Variants in DIP2B observed in about 807,000 individuals in gnomAD.
DIP2B encodes the protein DIP2 acetate--CoA ligase B (putative).
A neutral mutation model predicts 198.0 loss-of-function variants in DIP2B; 76 were observed. That is an observed-to-expected ratio of 0.38 (90% CI 0.32 to 0.46). The LOEUF (loss-of-function observed/expected upper bound fraction) is 0.46. DIP2B is among the 20% of genes least tolerant of loss of function. The pLI is 0.99. For missense variants in DIP2B, 1,559 were observed against 1,978.4 expected, an observed-to-expected ratio of 0.79 and a Z score of 4.02; for synonymous variants, 701 against 739.1, an observed-to-expected ratio of 0.95 and a Z score of 0.84.
chr12:50,567,189 G>A, intron 1 of DIP2B, among the ~76,000 whole-genome samples: 1 of 152,108 alleles, frequency 6.6e-6, no homozygotes. Flanking sequence ...ATAGGAAGTT[G>A]CAAAGATATG....
chr12:50,733,685 C>T (rs1046499914), intron 32 of DIP2B, among the ~76,000 whole-genome samples: 9 of 152,086 alleles, frequency 5.9e-5, no homozygotes, highest in African/African-American at 2.2e-4. Flanking sequence ...GCAACCTGGG[C>T]AACAGATTGA....
chr12:50,677,494 A>G (rs1938967412), intron 7 of DIP2B, among the ~76,000 whole-genome samples: 1 of 152,064 alleles, frequency 6.6e-6, no homozygotes, highest in South Asian at 2.1e-4. Flanking sequence ...GGGCGCCTAT[A>G]ATCCCAGCTA....
intron 1 of DIP2B, among the ~76,000 whole-genome samples, chr12:50,591,749 C>T (rs141351659): frequency 4.6e-5 from 7 of 150,976 alleles, no homozygotes; most frequent in African/African-American, 7.3e-5. Context: ...CTTGAGCCAC[C>T]GTGCCCAGCC....
intron 22 of DIP2B, among the ~76,000 whole-genome samples, chr12:50,711,914 G>T (rs1442011926): frequency 6.6e-6 from 1 of 152,160 alleles, no homozygotes; most frequent in Non-Finnish European, 1.5e-5. Flanking sequence ...CATGCTTCTA[G>T]TCCCAACAAT....
chr12:50,660,200 A>G lies in DIP2B; in HGVS notation c.308A>G (p.His103Arg). 6.2e-7 allele frequency: 1 copy of G among 1,606,206 alleles called. No individual in the cohort carries two copies. Residue 103 changes from histidine (H) to arginine (R), a missense_variant, in exon 4 of 38, where the codon CAC becomes CGC. Coordinates refer to ENST00000301180, the MANE Select transcript of DIP2B (RefSeq NM_173602.3). ...CAAATGTTTGCTTTTTCAGATATCC[A>G]CACAGAAGCAGTTCAGGCTGCACTG... The part of the protein sequence containing the change: ...ARDERYRSDI[H>R]TEAVQAALAK...
intron 12 of DIP2B, 98 bp downstream of exon 12, chr12:50,686,780 A>G: frequency 9.2e-7 from 1 of 1,087,468 alleles, no homozygotes; most frequent in Non-Finnish European, 1.3e-6. Context: ...CGTTAATGTT[A>G]GAAGATCCTC....
rs781643591 is a variant in DIP2B at position 50,728,588 on chromosome 12, A to G, written c.3551A>G (p.Lys1184Arg). Residue 1184 changes from lysine (K) to arginine (R), a missense_variant, in exon 30 of 38, where the codon AAG (lysine) becomes AGG (arginine). Transcript: ENST00000301180. Reference sequence around the variant, plus strand: ...GTGAACGCTCTGTGTCGAGCCATCAAGCTCCAGTGTGAGTTGTACTCTTCT... The same window carrying G: ...GTGAACGCTCTGTGTCGAGCCATCAGGCTCCAGTGTGAGTTGTACTCTTCT... ...SAVNALCRAI[K>R]LQCELYSSRQ... 1.2e-6 allele frequency: 2 copies of G among 1,614,142 alleles called. No homozygotes were observed. The highest frequency in any genetic ancestry group is 1.7e-6 in the Non-Finnish European group (2 of 1,180,012).
At chr12:50,648,523 C>A (rs1593685301) in intron 3 of DIP2B, among the ~76,000 whole-genome samples, 2 of 152,148 alleles carry the variant, frequency 1.3e-5, no homozygotes, top group East Asian at 3.9e-4. Flanking sequence ...GCCACCACGC[C>A]CGGCTAATTT....
Position 50,657,093 on chromosome 12 carries a change from TAA to T in DIP2B, c.302-3095_302-3094del, listed in dbSNP as rs1453048252. On this transcript the variant is annotated intron_variant, in intron 3 of 37. Coordinates refer to ENST00000301180, the MANE Select transcript of DIP2B (RefSeq NM_173602.3). The stretch of plus-strand genomic sequence containing the variant: ...TCCATTAAAAATAAAAAATATTTTT[TAA>T]AAAAATGGCAGGTGTGGTGGCCCAC... 2.0e-5 allele frequency: 3 copies of T among 151,870 alleles called. No individual in the cohort carries two copies. In the South Asian group the frequency reaches 6.2e-4, roughly 32 times the overall value. The allele number at this position is 151,870 out of a possible 1,614,324, so 9.4% of individuals were successfully genotyped here.
Position 50,693,088 on chromosome 12 carries a change from A to G in DIP2B, c.1719+75A>G. ...GGCCAGCATGTTGTATAACTGGAGC[A>G]TCTCTCAGTGCTTGTTTGAAATTTA... is the stretch of plus-strand genomic sequence containing the variant. On this transcript the variant is annotated intron_variant, in intron 14 of 37. Transcript: ENST00000301180. 16 of 1,377,562 alleles carry G rather than the reference A, an allele frequency of 1.2e-5. 1 individual carries two copies. The highest frequency in any genetic ancestry group is 1.6e-5 in the Non-Finnish European group (16 of 996,628). The allele number at this position is 1,377,562 out of a possible 1,614,324, so 85.3% of individuals were successfully genotyped here. A position where few individuals can be genotyped will look rare whatever the true frequency, so the allele number is the denominator to read the frequency against.
At chr12:50,548,517 A>AT (rs1250704938) in intron 1 of DIP2B, among the ~76,000 whole-genome samples, 1 of 151,916 alleles carries the variant, frequency 6.6e-6, no homozygotes, top group Non-Finnish European at 1.5e-5. Context: ...TTATTTATTT[A>AT]TTTTTTAATT....
intron 4 of DIP2B, among the ~76,000 whole-genome samples, chr12:50,669,181 T>G (rs926601135): frequency 1.3e-5 from 2 of 152,212 alleles, no homozygotes; most frequent in African/African-American, 4.8e-5. Context: ...GTTTTATTCT[T>G]TTGAAATTAT....
intron 1 of DIP2B, among the ~76,000 whole-genome samples, chr12:50,528,329 T>G (rs576533720): frequency 6.6e-6 from 1 of 151,396 alleles, no homozygotes; most frequent in East Asian, 1.9e-4. Context: ...ATGTGAGCAC[T>G]GAATCAGTTA....
intron 18 of DIP2B, 58 bp downstream of exon 18, chr12:50,698,525 G>A: frequency 6.4e-7 from 1 of 1,570,304 alleles, no homozygotes; most frequent in East Asian, 2.3e-5. Flanking sequence ...AGAGATAATA[G>A]AGCCTGATAA....
chr12:50,732,655 G>A, intron 32 of DIP2B, 119 bp downstream of exon 32: 1 of 1,263,166 alleles, frequency 7.9e-7, no homozygotes, highest in Non-Finnish European at 1.1e-6. Context: ...ACTTGCTTTG[G>A]AACTTCGGGC....
intron 4 of DIP2B, among the ~76,000 whole-genome samples, chr12:50,660,586 G>T (rs538439959): frequency 4.6e-5 from 7 of 150,944 alleles, no homozygotes; most frequent in Admixed American, 2.0e-4. Flanking sequence ...GTAATCCCCA[G>T]ACTTATGTAG....
intron 22 of DIP2B, among the ~76,000 whole-genome samples, chr12:50,709,431 G>T (rs1342144161): frequency 6.6e-6 from 1 of 151,736 alleles, no homozygotes; most frequent in Non-Finnish European, 1.5e-5. Context: ...AGGAGATCGA[G>T]ACCATCCTGG....
chr12:50,567,166 T>C (rs1958572223), intron 1 of DIP2B, among the ~76,000 whole-genome samples: 1 of 152,182 alleles, frequency 6.6e-6, no homozygotes, highest in African/African-American at 2.4e-5. Context: ...TATTTTGAAA[T>C]AATTACAGAT....
chr12:50,672,287 A>G (rs568557077), intron 5 of DIP2B, among the ~76,000 whole-genome samples: 1 of 152,334 alleles, frequency 6.6e-6, no homozygotes, highest in East Asian at 1.9e-4. Context: ...CCTTGAGGGT[A>G]TGATTGCCCT....
Sources: gnomAD v4.1 joint callset for allele counts (sites outside exome capture counted in the v4.1 genomes callset) on GRCh38, gnomAD v4.1.1 for gene constraint, MANE v1.5 for transcripts, NCBI Gene and HGNC (gene_info 2026-07-23, HGNC 2026-07-21) for gene names.